The following TRMT11 variants were observed in gnomAD, a reference collection of about 807,000 sequenced individuals.
TRMT11 encodes tRNA (guanine(10)-N(2))-methyltransferase TRMT11.
TRMT11 carries 53 observed loss-of-function variants against 62.8 expected under a neutral mutation model. The observed-to-expected ratio is 0.84, with a 90% CI of 0.68 to 1.06. The LOEUF is 1.06. Among genes scored for constraint, TRMT11 ranks in the 50% least tolerant of loss-of-function variants. The probability of loss-of-function intolerance (pLI) is 0.00; values close to 1 mark genes in which losing one functional copy is unlikely to be tolerated. For missense variants in TRMT11, 556 were observed against 553.4 expected (o/e 1.00, Z -0.05); for synonymous variants, 188 against 190.3 (o/e 0.99, Z 0.10).
intron 17 of TRMT11, among the ~76,000 whole-genome samples, chr6:126,060,389 C>G (rs1435972722): frequency 6.6e-6 from 1 of 152,192 alleles, no homozygotes. Context: ...TTTATCTTAT[C>G]ACGGGCTCTC....
intron 7 of TRMT11, among the ~76,000 whole-genome samples, chr6:126,000,579 C>T (rs1321926387): frequency 6.6e-6 from 1 of 152,126 alleles, no homozygotes; most frequent in African/African-American, 2.4e-5. Flanking sequence ...CAAACTCAAG[C>T]AGTCCAACTC....
At chr6:125,996,127 G>A in intron 3 of TRMT11, 87 bp downstream of exon 3, 1 of 902,794 alleles carries the variant, frequency 1.1e-6, no homozygotes, top group Non-Finnish European at 1.7e-6. Flanking sequence ...TGGGCAGTGT[G>A]AAGGCTCAGT....
intron 17 of TRMT11, among the ~76,000 whole-genome samples, chr6:126,094,190 C>G (rs917569642): frequency 3.3e-5 from 5 of 152,058 alleles, no homozygotes; most frequent in African/African-American, 1.2e-4. Context: ...GGTGTATTCT[C>G]CTAACTATAG....
At chr6:126,133,187 A>G (rs9321061) in intron 21 of TRMT11, among the ~76,000 whole-genome samples, 84,700 of 151,824 alleles carry the variant, frequency 0.56, 25,112 homozygotes, top group African/African-American at 0.72. Context: ...ACTTAGAAAA[A>G]CATGTTATTC....
intron 17 of TRMT11, among the ~76,000 whole-genome samples, chr6:126,080,128 G>T (rs374271948): frequency 8.5e-5 from 13 of 152,056 alleles, no homozygotes; most frequent in Non-Finnish European, 1.8e-4. Flanking sequence ...TAGAGACAGG[G>T]TCTCACTTTG....
At chr6:126,094,812 A>G (rs1777323077) in intron 17 of TRMT11, among the ~76,000 whole-genome samples, 1 of 152,198 alleles carries the variant, frequency 6.6e-6, no homozygotes. Flanking sequence ...CAAGTATATT[A>G]TGTGGAGATT....
the TRMT11 span, among the ~76,000 whole-genome samples, chr6:126,240,917 C>G: frequency 6.6e-6 from 1 of 152,254 alleles, no homozygotes; most frequent in African/African-American, 2.4e-5. Context: ...GGTGGGCACC[C>G]CTCCCCCAGC....
chr6:126,130,349 G>A (rs1276116409), intron 21 of TRMT11, among the ~76,000 whole-genome samples: 1 of 152,018 alleles, frequency 6.6e-6, no homozygotes, highest in Non-Finnish European at 1.5e-5. Flanking sequence ...AAATTCAATG[G>A]ATACAAAATC....
At chr6:126,072,305 A>T (rs762263614) in intron 17 of TRMT11, among the ~76,000 whole-genome samples, 1 of 152,164 alleles carries the variant, frequency 6.6e-6, no homozygotes, top group Non-Finnish European at 1.5e-5. Context: ...TCTGAGTCTG[A>T]TCCTCATATG....
At chr6:126,020,780 A>G (rs1322108391) in intron 11 of TRMT11, among the ~76,000 whole-genome samples, 1 of 152,220 alleles carries the variant, frequency 6.6e-6, no homozygotes, top group African/African-American at 2.4e-5. Flanking sequence ...GGGAATTTAT[A>G]AAAATCTACA....
intron 1 of TRMT11, among the ~76,000 whole-genome samples, chr6:126,194,062 G>T (rs1778636660): frequency 6.6e-6 from 1 of 152,086 alleles, no homozygotes; most frequent in South Asian, 2.1e-4. Context: ...TAAAAAATTT[G>T]TTGAGACTTG....
chr6:126,100,691 G>C (rs867130665), intron 17 of TRMT11, among the ~76,000 whole-genome samples: 3 of 152,204 alleles, frequency 2.0e-5, no homozygotes, highest in Admixed American at 6.5e-5. Flanking sequence ...GGCCAGTTTT[G>C]TGGAAGGTAA....
intron 21 of TRMT11, among the ~76,000 whole-genome samples, chr6:126,130,076 A>C (rs1237328591): frequency 6.6e-6 from 1 of 152,106 alleles, no homozygotes; most frequent in Non-Finnish European, 1.5e-5. Flanking sequence ...TGAATGTTAC[A>C]CTGGCATAGT....
intron 21 of TRMT11, among the ~76,000 whole-genome samples, chr6:126,136,105 G>A (rs980374830): frequency 2.6e-5 from 4 of 151,630 alleles, no homozygotes; most frequent in African/African-American, 9.7e-5. Flanking sequence ...TTCACCATAT[G>A]TATTCAACAG....
intron 1 of TRMT11, chr6:125,986,969 A>G (rs1259472215): frequency 7.1e-6 from 2 of 279,824 alleles, no homozygotes; most frequent in Non-Finnish European, 1.3e-5. Context: ...TGTTTGAAGT[A>G]TTGGAATCTG....
chr6:125,998,335 C>A lies in TRMT11; in HGVS notation c.387+20C>A, dbSNP rs1261993586. The A allele has an allele frequency of 6.7e-7, 1 of 1,503,092 alleles. No homozygotes were observed. The highest frequency in any genetic ancestry group is 1.2e-5 in the South Asian group (1 of 85,246). The allele number at this position is 1,503,092 out of a possible 1,614,324, so 93.1% of individuals were successfully genotyped here. A position where few individuals can be genotyped will look rare whatever the true frequency, so the allele number is the denominator to read the frequency against. ...ATAGATGTAAGTAAATTTAGCAAAA[C>A]AAAAAACCTACATGATGAATGCAGT... On this transcript the variant is annotated intron_variant, in intron 5 of 12. Transcript: ENST00000334379.
At chr6:126,138,982 AG>A in intron 21 of TRMT11, among the ~76,000 whole-genome samples, 1 of 152,126 alleles carries the variant, frequency 6.6e-6, no homozygotes, top group South Asian at 2.1e-4. Flanking sequence ...AACTTTAGTA[AG>A]TCAGTTCTCA....
chr6:126,040,386 T>C (rs1242449456), downstream of TRMT11, among the ~76,000 whole-genome samples: 1 of 152,128 alleles, frequency 6.6e-6, no homozygotes, highest in Non-Finnish European at 1.5e-5. Flanking sequence ...ATTCCTGAAA[T>C]GTCACTAGGC....
chr6:126,207,063 G>A (rs1467074505), downstream of TRMT11, among the ~76,000 whole-genome samples: 2 of 152,110 alleles, frequency 1.3e-5, no homozygotes, highest in Admixed American at 1.3e-4. Flanking sequence ...GTCCAGTATA[G>A]TTCCTTTTTC....
Sources: allele counts gnomAD v4.1 joint callset (sites outside exome capture counted in the v4.1 genomes callset), GRCh38; gene constraint gnomAD v4.1.1; transcripts MANE v1.5; gene names NCBI Gene and HGNC (gene_info 2026-07-23, HGNC 2026-07-21).